PTPRR: variants seen among roughly 807,000 people sequenced by gnomAD.
PTPRR encodes the protein protein tyrosine phosphatase receptor type R, also known as receptor-type tyrosine-protein phosphatase R.
Under a neutral mutation model 77.2 loss-of-function variants are expected in PTPRR, and 38 were observed. That is an observed-to-expected ratio of 0.49 (90% CI 0.38 to 0.65). The LOEUF (loss-of-function observed/expected upper bound fraction) is 0.65, where lower values mean the gene tolerates loss of function less well. Ranked by LOEUF, PTPRR falls within the 30% of genes least tolerant of loss-of-function variation. The pLI is 0.00. For missense variants in PTPRR, 744 were observed against 799.2 expected (o/e 0.93, Z 0.83); for synonymous variants, 299 against 283.1 (o/e 1.06, Z -0.57).
rs527403254 is a variant in PTPRR, at chr12:70,666,777, T to C, written c.1498-4172A>G. Reference sequence around the variant, plus strand: ...TATAAACAATGTGATTGACATAAACTATATGATCTAGAACTCCATCTTCAG... The same window carrying C: ...TATAAACAATGTGATTGACATAAACCATATGATCTAGAACTCCATCTTCAG... On this transcript the variant is annotated intron_variant, in intron 10 of 13. Coordinates refer to ENST00000283228, the MANE Select transcript of PTPRR (RefSeq NM_002849.4). Among the ~76,000 whole-genome samples, 12 of 152,148 alleles carry C rather than the reference T, an allele frequency of 7.9e-5. No homozygotes were observed. In the South Asian group the frequency reaches 2.1e-3, roughly 26 times the overall value.
At chr12:70,830,121 C>T (rs573061475) in intron 2 of PTPRR, among the ~76,000 whole-genome samples, 2 of 152,156 alleles carry the variant, frequency 1.3e-5, no homozygotes, top group Non-Finnish European at 2.9e-5. Context: ...AACAAAAAAG[C>T]GTGCTCCTGC....
intron 13 of PTPRR, among the ~76,000 whole-genome samples, chr12:70,641,693 A>G (rs1886008255): frequency 6.6e-6 from 1 of 152,222 alleles, no homozygotes. Context: ...CTTAGAGATC[A>G]TCCATTCTAG....
rs763851950 is a variant in PTPRR, at chr12:70,656,729, T to C, written c.1855A>G (p.Ile619Val). 1.2e-6 allele frequency: 2 copies of C among 1,613,796 alleles called. No homozygotes were observed. Among genetic ancestry groups the C allele is most frequent in the South Asian group, 1.1e-5 (1 of 91,074 alleles). ...CTATCCATACGAAGCTGGCAGACAA[T>C]GCTTAGTGCATCCACAACTCCTTCT... is the stretch of plus-strand genomic sequence containing the variant. ...KEEGVVDALS[I>V]VCQLRMDRGG... Residue 619 changes from isoleucine (I) to valine (V), a missense_variant, in exon 13 of 14, where the codon ATT (isoleucine) becomes GTT (valine). Transcript: ENST00000283228.
At chr12:70,704,751 C>T (rs531461445) in intron 6 of PTPRR, among the ~76,000 whole-genome samples, 2 of 151,254 alleles carry the variant, frequency 1.3e-5, no homozygotes, top group Non-Finnish European at 2.9e-5. Context: ...CTAATTAAGA[C>T]GTATAAAAAA....
At chr12:70,854,833 G>C (rs1025353960) in intron 2 of PTPRR, among the ~76,000 whole-genome samples, 1 of 152,168 alleles carries the variant, frequency 6.6e-6, no homozygotes, top group South Asian at 2.1e-4. Context: ...TTTGTTGTGA[G>C]GGTTAAATGT....
At chr12:70,763,845 T>C (rs569673481) in intron 3 of PTPRR, among the ~76,000 whole-genome samples, 1 of 151,856 alleles carries the variant, frequency 6.6e-6, no homozygotes, top group South Asian at 2.1e-4. Flanking sequence ...TGAATTTACT[T>C]TTTTTTTGGC....
At chr12:70,662,467 G>C (rs375834481) in intron 11 of PTPRR, 28 bp downstream of exon 11, 1 of 1,355,444 alleles carries the variant, frequency 7.4e-7, no homozygotes, top group Non-Finnish European at 1.0e-6. Context: ...CATCTACTTT[G>C]TAGATGGCTA....
intron 2 of PTPRR, among the ~76,000 whole-genome samples, chr12:70,842,313 A>G (rs1813532073): frequency 6.6e-6 from 1 of 152,188 alleles, no homozygotes; most frequent in Non-Finnish European, 1.5e-5. Flanking sequence ...TACCTGCTCT[A>G]TGCTTCATCT....
At chr12:70,805,096 C>T (rs907757) in intron 2 of PTPRR, among the ~76,000 whole-genome samples, 145,928 of 152,150 alleles carry the variant, frequency 0.96, 70,256 homozygotes, top group East Asian at 1. Context: ...TATTCTTTTG[C>T]TGTCACTTAA....
chr12:70,712,210 C>T (rs1053508204), intron 6 of PTPRR, among the ~76,000 whole-genome samples: 3 of 151,906 alleles, frequency 2.0e-5, no homozygotes, highest in Non-Finnish European at 4.4e-5. Context: ...AAGGAAGGCG[C>T]CAATTACCTG....
At chr12:70,858,747 C>A (rs182826586) in intron 2 of PTPRR, among the ~76,000 whole-genome samples, 9 of 152,114 alleles carry the variant, frequency 5.9e-5, no homozygotes, top group Admixed American at 4.6e-4. Flanking sequence ...AACTGCTTAC[C>A]TTCTCCATAT....
At chr12:70,713,828 TTG>T (rs1888921203) in intron 6 of PTPRR, among the ~76,000 whole-genome samples, 1 of 152,192 alleles carries the variant, frequency 6.6e-6, no homozygotes, top group Non-Finnish European at 1.5e-5. Flanking sequence ...ATTCTATGAA[TTG>T]TCTTTTCACT....
chr12:70,700,168 T>C (rs1888368230), intron 7 of PTPRR, among the ~76,000 whole-genome samples: 1 of 152,232 alleles, frequency 6.6e-6, no homozygotes, highest in Non-Finnish European at 1.5e-5. Context: ...TTGATGGGGC[T>C]AATAGTAGAT....
intron 6 of PTPRR, among the ~76,000 whole-genome samples, chr12:70,731,740 C>A (rs1196269745): frequency 6.6e-6 from 1 of 152,138 alleles, no homozygotes; most frequent in Non-Finnish European, 1.5e-5. Context: ...ATGTCTAACT[C>A]CCATGAGTAA....
At chr12:70,662,177 G>A (rs930905906) in intron 11 of PTPRR, among the ~76,000 whole-genome samples, 1 of 151,922 alleles carries the variant, frequency 6.6e-6, no homozygotes, top group Middle Eastern at 3.2e-3. Context: ...AAAAAATCAT[G>A]GTAAAGTCTC....
chr12:70,768,279 A>T (rs1890878330), intron 2 of PTPRR, among the ~76,000 whole-genome samples: 1 of 152,222 alleles, frequency 6.6e-6, no homozygotes, highest in Non-Finnish European at 1.5e-5. Flanking sequence ...AAGACTAATA[A>T]AGCAAGAGAA....
At chr12:70,709,364 T>C (rs1356506400) in intron 6 of PTPRR, among the ~76,000 whole-genome samples, 2 of 152,162 alleles carry the variant, frequency 1.3e-5, no homozygotes, top group Non-Finnish European at 2.9e-5. Flanking sequence ...AACATCATAC[T>C]TGAATGGGCA....
At chr12:70,798,672 C>T (rs1891558128) in intron 2 of PTPRR, among the ~76,000 whole-genome samples, 1 of 152,196 alleles carries the variant, frequency 6.6e-6, no homozygotes, top group African/African-American at 2.4e-5. Context: ...GCTGCTTACT[C>T]TGATTCATCA....
chr12:70,905,851 A>T (rs1893613809), intron 1 of PTPRR, among the ~76,000 whole-genome samples: 1 of 152,016 alleles, frequency 6.6e-6, no homozygotes, highest in African/African-American at 2.4e-5. Context: ...AATCAAAAAA[A>T]GGCTTTTACT....
Sources: allele counts gnomAD v4.1 joint callset (sites outside exome capture counted in the v4.1 genomes callset), GRCh38; gene constraint gnomAD v4.1.1; transcripts MANE v1.5; gene names NCBI Gene and HGNC (gene_info 2026-07-23, HGNC 2026-07-21).